Variants in UNC5B observed in about 807,000 individuals in gnomAD.
UNC5B encodes the protein netrin receptor UNC5B.
In UNC5B, 56 loss-of-function variants were observed where a neutral mutation model predicts 103.7. That is an observed-to-expected ratio of 0.54 (90% CI 0.44 to 0.67). The LOEUF (loss-of-function observed/expected upper bound fraction) is 0.67, where lower values mean the gene tolerates loss of function less well. UNC5B is among the 30% of genes least tolerant of loss of function. The pLI is 0.00. For missense variants in UNC5B, 1,194 were observed against 1,284.5 expected (o/e 0.93, Z 1.08); for synonymous variants, 577 against 542.0 (o/e 1.06, Z -0.90).
In UNC5B at chr10:71,290,807, C is replaced by T; in HGVS notation, c.1100-108C>T. 3.0e-6 allele frequency: 4 copies of T among 1,350,580 alleles called. No homozygotes were observed. In the South Asian group the frequency reaches 4.3e-5, roughly 15 times the overall value. 83.7% of individuals were successfully genotyped at this position (1,350,580 alleles called of 1,614,324 possible). Reference sequence around the variant, plus strand: ...GCAGGGCTCAGACTGGAACTCAGCACCGGGCCGGTTGGCCCTGGGCCCTGC... The same window carrying T: ...GCAGGGCTCAGACTGGAACTCAGCATCGGGCCGGTTGGCCCTGGGCCCTGC... On this transcript the variant is annotated intron_variant, in intron 8 of 16. Transcript: ENST00000335350.
rs543514090 is a variant in UNC5B, at chr10:71,263,941, T to G, written c.80-15880T>G. Among the ~76,000 whole-genome samples the G allele has an allele frequency of 3.3e-5, 5 of 152,308 alleles. No homozygotes were observed. The East Asian group carries it at 9.7e-4, about 29-fold the overall frequency. ...GCTTCTGGTTGCCCCATTTGAGACA[T>G]TCTTCCTTCACCAGTGATATTGATG... On this transcript the variant is annotated intron_variant, in intron 1 of 16. Coordinates refer to ENST00000335350, the MANE Select transcript of UNC5B (RefSeq NM_170744.5).
chr10:71,223,126 A>T (rs1285806170), intron 1 of UNC5B, among the ~76,000 whole-genome samples: 1 of 152,110 alleles, frequency 6.6e-6, no homozygotes, highest in Non-Finnish European at 1.5e-5. Flanking sequence ...TTGGGGAGAC[A>T]GGTTCAGCAG....
At chr10:71,281,657 A>G (rs1329150318) in intron 2 of UNC5B, among the ~76,000 whole-genome samples, 1 of 152,232 alleles carries the variant, frequency 6.6e-6, no homozygotes, top group Non-Finnish European at 1.5e-5. Context: ...GGAATTTTTA[A>G]GGGGAAACAA....
chr10:71,289,555 A>G (rs1320222979), intron 8 of UNC5B, among the ~76,000 whole-genome samples: 5 of 152,356 alleles, frequency 3.3e-5, no homozygotes, highest in South Asian at 4.1e-4. Context: ...CAGCAAAGCC[A>G]CTTGAGCAGG....
At chr10:71,293,056 C>T (rs966322002) in intron 11 of UNC5B, among the ~76,000 whole-genome samples, 3 of 152,158 alleles carry the variant, frequency 2.0e-5, no homozygotes, top group Admixed American at 1.3e-4. Flanking sequence ...GGGAACATGG[C>T]CTTCTGTGGC....
chr10:71,217,161 T>G (rs1564702630), intron 1 of UNC5B: 1 of 152,724 alleles, frequency 6.5e-6, no homozygotes, highest in Non-Finnish European at 1.5e-5. Flanking sequence ...ACCAGTTTCC[T>G]AAACAGCTTC....
chr10:71,256,919 A>G (rs1057268491), intron 1 of UNC5B, among the ~76,000 whole-genome samples: 2 of 152,184 alleles, frequency 1.3e-5, no homozygotes, highest in African/African-American at 2.4e-5. Flanking sequence ...TGTGGAGTGG[A>G]GAGGAAGACC....
In UNC5B at chr10:71,286,677, C is replaced by T; in HGVS notation, c.553-12C>T. ...CTGGGCCCTCACTGCCCCCTCACCC[C>T]CACTCTTGCAGGTGGAATGGCTCAA... On this transcript the variant is annotated splice_polypyrimidine_tract_variant and intron_variant, in intron 4 of 16. Coordinates refer to ENST00000335350, the MANE Select transcript of UNC5B (RefSeq NM_170744.5). 6.2e-7 allele frequency: 1 copy of T among 1,613,932 alleles called. No homozygotes were observed. Among genetic ancestry groups the T allele is most frequent in the Non-Finnish European group, 8.5e-7 (1 of 1,179,834 alleles).
In UNC5B at chr10:71,213,445, C is replaced by T. The variant is rs181650665; in HGVS notation, c.79+381C>T. Among the ~76,000 whole-genome samples, 2 of 152,240 alleles carry T rather than the reference C, an allele frequency of 1.3e-5. No individual in the cohort carries two copies. The highest frequency in any genetic ancestry group is 1.9e-4 in the East Asian group (1 of 5,142). ...ATTGGCTACATAAGCAAGGTGTGCG[C>T]TCGCTGCCGTACGCCGGTAACTTAC... is the stretch of plus-strand genomic sequence containing the variant. On this transcript the variant is annotated intron_variant, in intron 1 of 16. Transcript: ENST00000335350. The surrounding 1 kb of genome is among the most constrained non-coding windows in gnomAD (Gnocchi z 4.1).
intron 1 of UNC5B, among the ~76,000 whole-genome samples, chr10:71,241,676 A>G (rs1028336048): frequency 6.6e-6 from 1 of 151,930 alleles, no homozygotes; most frequent in Non-Finnish European, 1.5e-5. Context: ...TTGGCCTGGC[A>G]TCTCCCCAGG....
intron 1 of UNC5B, among the ~76,000 whole-genome samples, chr10:71,273,930 A>G (rs931686096): frequency 2.0e-5 from 3 of 152,212 alleles, no homozygotes; most frequent in African/African-American, 4.8e-5. Context: ...TCCATAAGGA[A>G]GCCAGCATGG....
At chr10:71,242,829 C>T (rs778283786) in intron 1 of UNC5B, among the ~76,000 whole-genome samples, 26 of 152,184 alleles carry the variant, frequency 1.7e-4, no homozygotes, top group Non-Finnish European at 2.9e-4. Flanking sequence ...CACGGTGTCA[C>T]TCTCTCTGTC....
At chr10:71,230,903 G>T (rs561046734) in intron 1 of UNC5B, among the ~76,000 whole-genome samples, 1 of 152,200 alleles carries the variant, frequency 6.6e-6, no homozygotes, top group African/African-American at 2.4e-5. Flanking sequence ...TTGTTTATAT[G>T]GAGAGCAGCC....
intron 1 of UNC5B, among the ~76,000 whole-genome samples, chr10:71,267,350 C>G (rs1272568823): frequency 6.6e-6 from 1 of 152,158 alleles, no homozygotes; most frequent in African/African-American, 2.4e-5. Flanking sequence ...TGAAAAATCC[C>G]TATAGTCATC....
At chr10:71,290,064 T>C (rs953712883) in intron 8 of UNC5B, among the ~76,000 whole-genome samples, 5 of 152,232 alleles carry the variant, frequency 3.3e-5, no homozygotes, top group African/African-American at 9.6e-5. Context: ...AACTGCCCAG[T>C]GTGAAAGCCG....
chr10:71,238,487 TA>T (rs1843821409), intron 1 of UNC5B, among the ~76,000 whole-genome samples: 1 of 152,170 alleles, frequency 6.6e-6, no homozygotes. Context: ...CATTTGCATT[TA>T]TTTTTTTTTA....
rs534643377 is a variant in UNC5B, at chr10:71,293,639, T to C, written c.1942-61T>C. On this transcript the variant is annotated intron_variant, in intron 12 of 16. Coordinates refer to ENST00000335350, the MANE Select transcript of UNC5B (RefSeq NM_170744.5). The stretch of plus-strand genomic sequence containing the variant: ...TGCCCAGGGAGGCAAAAGAAAGCCC[T>C]TTTCCTCTGGCCCAGCCTGAATAAC... 34 of 1,607,306 alleles carry C rather than the reference T, an allele frequency of 2.1e-5. No homozygotes were observed. In the South Asian group the frequency reaches 3.4e-4, roughly 16 times the overall value.
chr10:71,286,583 C>A, intron 4 of UNC5B, 106 bp from the exon 5 acceptor site: 1 of 1,409,570 alleles, frequency 7.1e-7, no homozygotes, highest in Non-Finnish European at 9.8e-7. Context: ...CAAGGCCCTG[C>A]CTCACTGCCA....
chr10:71,286,649 G>A (rs760327135), intron 4 of UNC5B, 40 bp from the exon 5 acceptor site: 2 of 1,610,734 alleles, frequency 1.2e-6, no homozygotes, highest in Non-Finnish European at 1.7e-6. Flanking sequence ...GATCAAACCT[G>A]TCCTGGGCCC....
Sources: gnomAD v4.1 joint callset for allele counts (sites outside exome capture counted in the v4.1 genomes callset) on GRCh38, gnomAD v4.1.1 for gene constraint, Gnocchi (gnomAD v3.1) non-coding constraint, MANE v1.5 for transcripts, NCBI Gene and HGNC (gene_info 2026-07-23, HGNC 2026-07-21) for gene names.